Variants in PCDHGA10 observed in about 807,000 individuals in gnomAD.
The protein encoded by PCDHGA10 is protocadherin gamma-A10.
Under a neutral mutation model 59.5 loss-of-function variants are expected in PCDHGA10, and 42 were observed. The observed-to-expected ratio is 0.71, with a 90% confidence interval of 0.55 to 0.91. The LOEUF is 0.91. Ranked by LOEUF, PCDHGA10 falls within the 40% of genes least tolerant of loss-of-function variation. The probability of loss-of-function intolerance (pLI) is 0.00; values close to 1 mark genes in which losing one functional copy is unlikely to be tolerated. For synonymous variants in PCDHGA10, 511 were observed against 517.2 expected (o/e 0.99, Z 0.16); for missense variants, 1,111 against 1,198.2 (o/e 0.93, Z 1.07).
In PCDHGA10 at chr5:141,491,607, T is replaced by G; in HGVS notation, c.2437-3200T>G. On this transcript the variant is annotated intron_variant, in intron 1 of 3. Coordinates refer to ENST00000398610, the MANE Select transcript of PCDHGA10 (RefSeq NM_018913.3). The surrounding 1 kb of genome is among the most constrained non-coding windows in gnomAD (Gnocchi z 6.9). ...CCTCGGACGGCAGTGACTTCACTTT[T>G]CTAAGACCCCTCAGCGTTCAGCAGC... 6.2e-7 allele frequency: 1 copy of G among 1,613,932 alleles called. No homozygotes were observed. The highest frequency in any genetic ancestry group is 1.1e-5 in the South Asian group (1 of 91,084).
chr5:141,430,953 G>A (rs2097330054), intron 1 of PCDHGA10: 1 of 1,611,124 alleles, frequency 6.2e-7, no homozygotes, highest in African/African-American at 1.3e-5. Context: ...CGCGGAGTCC[G>A]CATCATCCCC....
chr5:141,488,866 G>C (rs957501628), intron 1 of PCDHGA10, among the ~76,000 whole-genome samples: 1 of 152,148 alleles, frequency 6.6e-6, no homozygotes, highest in East Asian at 1.9e-4. Context: ...GAAGTGAGTG[G>C]GGAGGTAGGA....
Position 141,477,203 on chromosome 5 carries a change from G to T in PCDHGA10, c.2437-17604G>T. On this transcript the variant is annotated intron_variant, in intron 1 of 3. Coordinates refer to ENST00000398610, the MANE Select transcript of PCDHGA10 (RefSeq NM_018913.3). The surrounding 1 kb of genome is among the most constrained non-coding windows in gnomAD (Gnocchi z 4.9). ...CACCTCCGTGTACAGCCCAGTACCC[G>T]AGGATGCCCCTCTGGGGACTGTCAT... 1 of 1,614,176 alleles carries T rather than the reference G, an allele frequency of 6.2e-7. No individual in the cohort carries two copies. The highest frequency in any genetic ancestry group is 1.1e-5 in the South Asian group (1 of 91,082).
intron 1 of PCDHGA10, chr5:141,475,845 G>C: frequency 4.5e-6 from 2 of 448,002 alleles, no homozygotes; most frequent in Non-Finnish European, 7.9e-6. Context: ...TGCTCAGAGA[G>C]CCCGGCGCTA....
rs754530973 is a variant in PCDHGA10 at position 141,413,859 on chromosome 5, C to T, written c.684C>T (p.Gly228=). 11 of 1,613,248 alleles carry T rather than the reference C, an allele frequency of 6.8e-6. No individual in the cohort carries two copies. The Admixed American group carries it at 1.7e-4, about 24-fold the overall frequency. The change falls in exon 1 of 4, where the codon GGC becomes GGT. Residue 228 remains glycine (G), a synonymous_variant. Transcript: ENST00000398610. ...ASDGGDPLRS[G]TVLVSVTVFD... ...ACGGGGGTGACCCTCTCCGATCTGG[C>T]ACTGTCCTTGTCAGTGTGACTGTCT...
Position 141,477,763 on chromosome 5 carries a change from C to G in PCDHGA10, c.2437-17044C>G, listed in dbSNP as rs763322593. The G allele has an allele frequency of 6.2e-7, 1 of 1,614,012 alleles. No homozygotes were observed. Among genetic ancestry groups the G allele is most frequent in the Non-Finnish European group, 8.5e-7 (1 of 1,180,032 alleles). Reference sequence around the variant, plus strand: ...ATGGGGGCACCCCGGTCCTAGCCACCAACATCAGCGTGAACATATTTGTCA... The same window carrying G: ...ATGGGGGCACCCCGGTCCTAGCCACGAACATCAGCGTGAACATATTTGTCA... On this transcript the variant is annotated intron_variant, in intron 1 of 3. Transcript: ENST00000398610. This position sits in a 1 kb window ranked among gnomAD's most constrained non-coding sequence, Gnocchi z 4.9.
At position 141,413,442 on chromosome 5, in the gene PCDHGA10, C is replaced by T; in HGVS notation, c.267C>T (p.Ile89=). The change falls in exon 1 of 4, where the codon ATC becomes ATT. Residue 89 remains isoleucine, a synonymous_variant. Coordinates refer to ENST00000398610, the MANE Select transcript of PCDHGA10 (RefSeq NM_018913.3). The stretch of plus-strand genomic sequence containing the variant: ...TGAACCCGCGCAGCGGCAGCTTGAT[C>T]ACCGCGGGCAGGATAGACCGGGAGG... The part of the protein sequence containing the change: ...FSLNPRSGSL[I]TAGRIDREEL... 3.1e-6 allele frequency: 5 copies of T among 1,614,090 alleles called. No individual in the cohort carries two copies. Among genetic ancestry groups the T allele is most frequent in the Non-Finnish European group, 8.5e-7 (1 of 1,179,960 alleles).
intron 3 of PCDHGA10, 152 bp from the exon 4 acceptor site, chr5:141,510,795 G>C (rs994874330): frequency 9.3e-5 from 136 of 1,465,100 alleles, no homozygotes; most frequent in Admixed American, 1.7e-4. Flanking sequence ...CTTGTGAAGA[G>C]AGACTACCTT....
At chr5:141,450,919 G>A (rs1489017891) in intron 1 of PCDHGA10, among the ~76,000 whole-genome samples, 2 of 151,024 alleles carry the variant, frequency 1.3e-5, no homozygotes, top group African/African-American at 4.9e-5. Context: ...CTGCCTCCCA[G>A]ATTCAAGCAA....
Position 141,414,302 on chromosome 5 carries a change from A to G in PCDHGA10, c.1127A>G (p.His376Arg), listed in dbSNP as rs2095732200. 3 of 1,613,678 alleles carry G rather than the reference A, an allele frequency of 1.9e-6. No homozygotes were observed. The highest frequency in any genetic ancestry group is 2.5e-6 in the Non-Finnish European group (3 of 1,179,768). Residue 376 changes from histidine to arginine, a missense_variant, in exon 1 of 4, where the codon CAT (histidine) becomes CGT (arginine). His to Arg is a conservative substitution (Grantham distance 29). Transcript: ENST00000398610. ...ACAGTCGTAGCCCTTTTAAATGTGC[A>G]TGATTTAGACTCTGAGCAGAATGGA... Reference protein sequence around the residue: ...LGTVVALLNVHDLDSEQNGQV... With the variant: ...LGTVVALLNVRDLDSEQNGQV...
chr5:141,495,878 T>C (rs2099764378), intron 2 of PCDHGA10, among the ~76,000 whole-genome samples: 1 of 152,184 alleles, frequency 6.6e-6, no homozygotes, highest in African/African-American at 2.4e-5. Context: ...TTCCTCTCTG[T>C]TCTTTGTCTC....
chr5:141,468,315 C>T (rs1197043569), intron 1 of PCDHGA10: 4 of 120,552 alleles, frequency 3.3e-5, no homozygotes, highest in Non-Finnish European at 5.0e-5. Context: ...ACAAGAGCAA[C>T]GGTAAACTCC....
intron 1 of PCDHGA10, among the ~76,000 whole-genome samples, chr5:141,471,883 C>T (rs951573411): frequency 6.6e-6 from 1 of 152,084 alleles, no homozygotes; most frequent in Non-Finnish European, 1.5e-5. Flanking sequence ...GAGGCTGAAG[C>T]TAGGAAGATT....
rs779735897 is a variant in PCDHGA10 at position 141,422,336 on chromosome 5, TA to T, written c.2436+6728del. 34 of 1,550,032 alleles carry T rather than the reference TA, an allele frequency of 2.2e-5. No individual in the cohort carries two copies. The East Asian group carries it at 7.2e-4, about 33-fold the overall frequency. On this transcript the variant is annotated intron_variant, in intron 1 of 3. Coordinates refer to ENST00000398610, the MANE Select transcript of PCDHGA10 (RefSeq NM_018913.3). ...CCTCCAGGTACAGTGATTGCTCTTC[TA>T]AATGTGCAAGATCAAGATTCTGGAG... is the stretch of plus-strand genomic sequence containing the variant.
At chr5:141,480,195 G>A (rs1350891459) in intron 1 of PCDHGA10, among the ~76,000 whole-genome samples, 1 of 151,182 alleles carries the variant, frequency 6.6e-6, no homozygotes, top group Non-Finnish European at 1.5e-5. Context: ...CTTGAGGCCA[G>A]CAGTTCAAGA....
chr5:141,482,363 G>C (rs2099556985), intron 1 of PCDHGA10, among the ~76,000 whole-genome samples: 1 of 152,086 alleles, frequency 6.6e-6, no homozygotes, highest in African/African-American at 2.4e-5. Flanking sequence ...AGAGTGAAAA[G>C]TAATGCATAT....
chr5:141,423,219 T>G (rs775170753), intron 1 of PCDHGA10: 4 of 1,613,752 alleles, frequency 2.5e-6, no homozygotes, highest in Non-Finnish European at 3.4e-6. Context: ...TCACCGTGGC[T>G]GTGGCCGACA....
At chr5:141,508,324 G>A (rs1668975090) in intron 3 of PCDHGA10, 1 of 151,252 alleles carries the variant, frequency 6.6e-6, no homozygotes, top group African/African-American at 2.4e-5. Flanking sequence ...GAGGGGCACT[G>A]GAGAACTGAC....
intron 3 of PCDHGA10, among the ~76,000 whole-genome samples, chr5:141,510,533 C>A (rs1366903068): frequency 6.6e-6 from 1 of 152,118 alleles, no homozygotes; most frequent in Non-Finnish European, 1.5e-5. Flanking sequence ...GAGAGAAATA[C>A]CAGCGAATGT....
Sources: allele counts gnomAD v4.1 joint callset (sites outside exome capture counted in the v4.1 genomes callset), GRCh38; gene constraint gnomAD v4.1.1; non-coding constraint Gnocchi (gnomAD v3.1); transcripts MANE v1.5; gene names NCBI Gene and HGNC (gene_info 2026-07-23, HGNC 2026-07-21).